AUH: variants seen among roughly 807,000 people sequenced by gnomAD.
The protein encoded by AUH is methylglutaconyl-CoA hydratase, mitochondrial.
AUH carries 29 observed loss-of-function variants against 42.3 expected under a neutral mutation model. That is an observed-to-expected ratio of 0.69 (90% CI 0.51 to 0.93). The LOEUF is 0.93. Ranked by LOEUF, AUH falls within the 40% of genes least tolerant of loss-of-function variation. The pLI, the probability that AUH is intolerant of heterozygous loss-of-function variation, is 0.00. For synonymous variants in AUH, 174 were observed against 166.4 expected (o/e 1.05, Z -0.35); for missense variants, 452 against 438.1 (o/e 1.03, Z -0.28).
At chr9:91,319,352 T>C (rs1470467048) in intron 4 of AUH, among the ~76,000 whole-genome samples, 2 of 152,228 alleles carry the variant, frequency 1.3e-5, no homozygotes, top group Non-Finnish European at 1.5e-5. Flanking sequence ...CCTCAAGTAC[T>C]GTTACAGTAG....
intron 6 of AUH, among the ~76,000 whole-genome samples, chr9:91,283,026 C>T (rs934399453): frequency 6.6e-6 from 1 of 152,188 alleles, no homozygotes; most frequent in South Asian, 2.1e-4. Flanking sequence ...GAATTTTACA[C>T]CAATATCCCT....
intron 3 of AUH, among the ~76,000 whole-genome samples, chr9:91,341,079 T>C (rs1051278331): frequency 2.0e-5 from 3 of 152,190 alleles, no homozygotes; most frequent in Non-Finnish European, 4.4e-5. Flanking sequence ...TTTCTAACTT[T>C]TGAAGTCTCC....
intron 4 of AUH, among the ~76,000 whole-genome samples, chr9:91,298,404 G>T (rs772652082): frequency 1.1e-4 from 16 of 152,304 alleles, no homozygotes; most frequent in Non-Finnish European, 1.9e-4. Context: ...TCTTTCACAA[G>T]ATGTTTGGTT....
At chr9:91,293,474 T>C (rs1396006688) in intron 6 of AUH, among the ~76,000 whole-genome samples, 1 of 152,178 alleles carries the variant, frequency 6.6e-6, no homozygotes, top group East Asian at 1.9e-4. Context: ...GTAAAGAAGA[T>C]CAAACTAGCC....
intron 4 of AUH, among the ~76,000 whole-genome samples, chr9:91,299,781 G>A (rs569681650): frequency 1.1e-4 from 16 of 152,198 alleles, no homozygotes; most frequent in Middle Eastern, 3.4e-3. Context: ...TTTGGTTACC[G>A]ACTCTCAACT....
Position 91,350,951 on chromosome 9 carries a change from AT to A in AUH, c.418+4931del, listed in dbSNP as rs1831924351. On this transcript the variant is annotated intron_variant, in intron 3 of 9. Coordinates refer to ENST00000375731, the MANE Select transcript of AUH (RefSeq NM_001698.3). The stretch of plus-strand genomic sequence containing the variant: ...TTCAGAAAGTTTGAAGACAGAAAAA[AT>A]ATCACCTTTAATCCATGATCTTTTT... 2.0e-5 allele frequency among the ~76,000 whole-genome samples: 3 copies of A among 152,104 alleles called. No homozygotes were observed. The South Asian group carries it at 6.2e-4, about 31-fold the overall frequency.
At chr9:91,264,371 G>C (rs1273133699) in intron 6 of AUH, among the ~76,000 whole-genome samples, 1 of 152,038 alleles carries the variant, frequency 6.6e-6, no homozygotes, top group Non-Finnish European at 1.5e-5. Flanking sequence ...TTTTTTTCTG[G>C]GAGCATAAGG....
At chr9:91,312,005 C>T (rs972155839) in intron 4 of AUH, among the ~76,000 whole-genome samples, 3 of 149,770 alleles carry the variant, frequency 2.0e-5, no homozygotes, top group Non-Finnish European at 4.4e-5. Context: ...AAAATAGTCA[C>T]ATGACTTTTT....
rs190670060 is a variant in AUH, at chr9:91,309,050, C to T, written c.506-10974G>A. 3.6e-3 allele frequency among the ~76,000 whole-genome samples: 549 copies of T among 151,892 alleles called. 2 individuals are homozygous for T. Among genetic ancestry groups the T allele is most frequent in the Middle Eastern group, 6.8e-3 (2 of 294 alleles). On this transcript the variant is annotated intron_variant, in intron 4 of 9. Transcript: ENST00000375731. ...CAGGTGATCCACCAGCCTCGACCTC[C>T]CAAAGTGCTGGGATTACAGGCGTGA...
chr9:91,263,135 T>C (rs1252802980), intron 6 of AUH, among the ~76,000 whole-genome samples: 1 of 152,180 alleles, frequency 6.6e-6, no homozygotes, highest in Non-Finnish European at 1.5e-5. Flanking sequence ...TTGAGTCAAC[T>C]GCAAATGACC....
chr9:91,226,203 C>G (rs576051612), intron 6 of AUH, among the ~76,000 whole-genome samples: 1 of 151,690 alleles, frequency 6.6e-6, no homozygotes, highest in Non-Finnish European at 1.5e-5. Context: ...CACATCCTCT[C>G]CAGCACCTGT....
At chr9:91,247,944 ATCT>A (rs1828890330) in intron 6 of AUH, among the ~76,000 whole-genome samples, 1 of 152,200 alleles carries the variant, frequency 6.6e-6, no homozygotes, top group African/African-American at 2.4e-5. Context: ...ATTTACACAT[ATCT>A]TCTTCTATTC....
intron 4 of AUH, among the ~76,000 whole-genome samples, chr9:91,310,125 T>C (rs1475264014): frequency 1.3e-5 from 2 of 152,190 alleles, no homozygotes; most frequent in Non-Finnish European, 2.9e-5. Context: ...GAGCGAGACC[T>C]TCCATCCCAA....
chr9:91,334,678 T>C (rs1010522240), intron 3 of AUH, among the ~76,000 whole-genome samples: 5 of 152,246 alleles, frequency 3.3e-5, no homozygotes, highest in African/African-American at 1.2e-4. Context: ...AATACACTTA[T>C]TAAATTGTGG....
intron 3 of AUH, among the ~76,000 whole-genome samples, chr9:91,340,251 T>C (rs796540194): frequency 1.1e-4 from 16 of 152,194 alleles, no homozygotes; most frequent in African/African-American, 3.4e-4. Context: ...ATAAGAAAGA[T>C]ACCTAATAGG....
chr9:91,243,874 T>C (rs1483024515), intron 6 of AUH, among the ~76,000 whole-genome samples: 1 of 152,118 alleles, frequency 6.6e-6, no homozygotes, highest in Non-Finnish European at 1.5e-5. Context: ...ATCGGGAAAA[T>C]CATCAAACAC....
At chr9:91,329,991 C>T (rs1564107343) in intron 3 of AUH, among the ~76,000 whole-genome samples, 2 of 151,864 alleles carry the variant, frequency 1.3e-5, no homozygotes, top group South Asian at 2.1e-4. Context: ...GATGTACTAG[C>T]GAGTGTGATA....
At chr9:91,279,114 A>G (rs1334206015) in intron 6 of AUH, among the ~76,000 whole-genome samples, 1 of 151,862 alleles carries the variant, frequency 6.6e-6, no homozygotes, top group Admixed American at 6.6e-5. Context: ...TACATCAATT[A>G]TAACTTAATA....
At chr9:91,272,473 C>T (rs1290032052) in intron 6 of AUH, among the ~76,000 whole-genome samples, 4 of 152,194 alleles carry the variant, frequency 2.6e-5, no homozygotes, top group Non-Finnish European at 5.9e-5. Flanking sequence ...GTGCGTTTGC[C>T]TTGCTCCTCC....
Sources: gnomAD v4.1 joint callset for allele counts (sites outside exome capture counted in the v4.1 genomes callset) on GRCh38, gnomAD v4.1.1 for gene constraint, MANE v1.5 for transcripts, NCBI Gene and HGNC (gene_info 2026-07-23, HGNC 2026-07-21) for gene names.